ILKAP: variants seen among roughly 807,000 people sequenced by gnomAD.
ILKAP encodes integrin-linked kinase-associated serine/threonine phosphatase 2C.
In ILKAP, 11 loss-of-function variants were observed where a neutral mutation model predicts 49.1. That is an observed-to-expected ratio of 0.22 (90% CI 0.14 to 0.37). ILKAP has a LOEUF of 0.37. Ranked by LOEUF, ILKAP falls within the 10% of genes least tolerant of loss-of-function variation. ILKAP has a pLI of 1.00. For synonymous variants in ILKAP, 186 were observed against 192.8 expected (o/e 0.96, Z 0.29); for missense variants, 363 against 510.8 (o/e 0.71, Z 2.79).
intron 9 of ILKAP, among the ~76,000 whole-genome samples, chr2:238,176,535 G>A (rs533598617): frequency 6.6e-6 from 1 of 152,282 alleles, no homozygotes; most frequent in African/African-American, 2.4e-5. Flanking sequence ...TCCAACTTTT[G>A]CTTTGTGCTG....
chr2:238,177,376 T>G (rs1349921234), intron 9 of ILKAP, among the ~76,000 whole-genome samples: 1 of 152,218 alleles, frequency 6.6e-6, no homozygotes, highest in Non-Finnish European at 1.5e-5. Flanking sequence ...TTCAGCAGCA[T>G]TAAATATATT....
rs909311211 is a variant in ILKAP, at chr2:238,194,602, A to G, written c.121+203T>C. On this transcript the variant is annotated intron_variant, in intron 2 of 11. Coordinates refer to ENST00000254654, the MANE Select transcript of ILKAP (RefSeq NM_030768.3). ...AATGAACCAGAGAAAACTGCTCCACATTTCCTCGCAGTACTTCTCAGGGCT... is the reference window on the plus strand; with the variant it reads ...AATGAACCAGAGAAAACTGCTCCACGTTTCCTCGCAGTACTTCTCAGGGCT... 3 of 613,856 alleles carry G rather than the reference A, an allele frequency of 4.9e-6. No homozygotes were observed. The Admixed American group carries it at 9.1e-5, about 19-fold the overall frequency. The allele number at this position is 613,856 out of a possible 1,614,324, so 38.0% of individuals were successfully genotyped here.
chr2:238,198,920 T>C lies in ILKAP; in HGVS notation c.56-4050A>G, dbSNP rs575470747. Among the ~76,000 whole-genome samples, 15 of 152,306 alleles carry C rather than the reference T, an allele frequency of 9.8e-5. No individual in the cohort carries two copies. The South Asian group carries it at 1.5e-3, about 15-fold the overall frequency. On this transcript the variant is annotated intron_variant, in intron 1 of 11. Transcript: ENST00000254654. ...TTCAACTATAAAATAAATCCAGGTG[T>C]TTTCCAAACACCACAGAGGTATTAT... is the stretch of plus-strand genomic sequence containing the variant.
intron 9 of ILKAP, among the ~76,000 whole-genome samples, chr2:238,176,956 G>T (rs1313967621): frequency 1.3e-5 from 2 of 152,236 alleles, no homozygotes; most frequent in Non-Finnish European, 2.9e-5. Flanking sequence ...TACAATGCTA[G>T]AACAGTTACT....
At chr2:238,186,964 A>G (rs1693931937) in intron 5 of ILKAP, 1 of 152,190 alleles carries the variant, frequency 6.6e-6, no homozygotes, top group Admixed American at 6.5e-5. Context: ...TTTAATGCAA[A>G]TCCCAGGCTG....
At chr2:238,183,371 C>T (rs919085541) in intron 8 of ILKAP, among the ~76,000 whole-genome samples, 4 of 152,184 alleles carry the variant, frequency 2.6e-5, no homozygotes, top group African/African-American at 9.7e-5. Flanking sequence ...CAGCATCACA[C>T]ACACAAACCA....
chr2:238,195,353 G>A (rs1694300184), intron 1 of ILKAP, among the ~76,000 whole-genome samples: 1 of 152,026 alleles, frequency 6.6e-6, no homozygotes, highest in Non-Finnish European at 1.5e-5. Context: ...ATTCTGCAAG[G>A]GAAGAAAATC....
At chr2:238,195,002 G>A in intron 1 of ILKAP, 132 bp from the exon 2 acceptor site, 2 of 666,414 alleles carry the variant, frequency 3.0e-6, no homozygotes, top group Non-Finnish European at 5.2e-6. Context: ...CCTTCCTGTT[G>A]GGCAAATTTT....
intron 9 of ILKAP, among the ~76,000 whole-genome samples, chr2:238,181,761 T>C (rs1388312433): frequency 6.6e-6 from 1 of 152,118 alleles, no homozygotes; most frequent in Non-Finnish European, 1.5e-5. Flanking sequence ...TAGCTGGGAC[T>C]ACAGGCGCCC....
intron 8 of ILKAP, 57 bp from the exon 9 acceptor site, chr2:238,182,243 T>A: frequency 1.3e-6 from 2 of 1,592,794 alleles, no homozygotes; most frequent in African/African-American, 2.7e-5. Context: ...CATCTAAAGG[T>A]ACCAGTTGAA....
At chr2:238,178,409 A>C (rs954451495) in intron 9 of ILKAP, among the ~76,000 whole-genome samples, 1 of 152,162 alleles carries the variant, frequency 6.6e-6, no homozygotes, top group Non-Finnish European at 1.5e-5. Context: ...GGCTTCTCTC[A>C]AACTCCTGAC....
intron 10 of ILKAP, among the ~76,000 whole-genome samples, chr2:238,172,578 CTGGAGAGATGA>C (rs1693272178): frequency 6.6e-6 from 1 of 152,220 alleles, no homozygotes; most frequent in African/African-American, 2.4e-5. Context: ...GCGGCGGCTG[CTGGAGAGATGA>C]TGGAGGACCC....
intron 8 of ILKAP, 103 bp from the exon 9 acceptor site, chr2:238,182,289 T>G: frequency 7.3e-7 from 1 of 1,371,342 alleles, no homozygotes; most frequent in Admixed American, 1.9e-5. Flanking sequence ...AGAAAACAGT[T>G]AACAATGGAG....
intron 10 of ILKAP, 125 bp downstream of exon 10, chr2:238,173,409 C>T: frequency 1.6e-6 from 2 of 1,270,892 alleles, no homozygotes; most frequent in East Asian, 2.4e-5. Context: ...TTGTTTATCT[C>T]TGCACCCCCA....
chr2:238,171,706 C>T (rs1012751824), intron 10 of ILKAP, among the ~76,000 whole-genome samples: 14 of 152,216 alleles, frequency 9.2e-5, no homozygotes, highest in African/African-American at 3.4e-4. Flanking sequence ...AGGCCTTACA[C>T]CACTTCCAGA....
chr2:238,184,792 G>A (rs1044061815), intron 6 of ILKAP, among the ~76,000 whole-genome samples: 1 of 151,944 alleles, frequency 6.6e-6, no homozygotes, highest in East Asian at 1.9e-4. Flanking sequence ...CAAACTCCTG[G>A]GCTTGAGTGA....
chr2:238,172,890 C>T (rs954149189), intron 10 of ILKAP, among the ~76,000 whole-genome samples: 1 of 152,174 alleles, frequency 6.6e-6, no homozygotes, highest in Non-Finnish European at 1.5e-5. Flanking sequence ...GCTGCTGCAC[C>T]GCTGCTCACA....
At chr2:238,190,004 C>T in intron 3 of ILKAP, 32 bp from the exon 4 acceptor site, 1 of 1,607,634 alleles carries the variant, frequency 6.2e-7, no homozygotes, top group Non-Finnish European at 8.5e-7. Flanking sequence ...GACAGAAACA[C>T]AGCTGTAGAC....
chr2:238,190,211 G>A lies in ILKAP; in HGVS notation c.179-239C>T, dbSNP rs578025882. On this transcript the variant is annotated intron_variant, in intron 3 of 11. Coordinates refer to ENST00000254654, the MANE Select transcript of ILKAP (RefSeq NM_030768.3). The stretch of plus-strand genomic sequence containing the variant: ...GAGTCAAACTGACCCTGCTGAAGGG[G>A]TTTGTAAAAGACTTTTCCCAGTGGT... 5.3e-5 allele frequency among the ~76,000 whole-genome samples: 8 copies of A among 152,244 alleles called. No individual in the cohort carries two copies. The South Asian group carries it at 1.7e-3, about 32-fold the overall frequency.
Sources: gnomAD v4.1 joint callset for allele counts (sites outside exome capture counted in the v4.1 genomes callset) on GRCh38, gnomAD v4.1.1 for gene constraint, MANE v1.5 for transcripts, NCBI Gene and HGNC (gene_info 2026-07-23, HGNC 2026-07-21) for gene names.